NOS1: variants seen among roughly 807,000 people sequenced by gnomAD.
The protein encoded by NOS1 is NOS type I.
A neutral mutation model predicts 164.5 loss-of-function variants in NOS1; 51 were observed. That is an observed-to-expected ratio of 0.31 (90% CI 0.25 to 0.39). The LOEUF is 0.39. Ranked by LOEUF, NOS1 falls within the 10% of genes least tolerant of loss-of-function variation. The pLI, the probability that NOS1 is intolerant of heterozygous loss-of-function variation, is 1.00. For missense variants in NOS1, 1,362 were observed against 1,885.6 expected (o/e 0.72, Z 5.14); for synonymous variants, 719 against 745.8 (o/e 0.96, Z 0.59).
chr12:117,271,029 C>T (rs1052425377), intron 10 of NOS1, among the ~76,000 whole-genome samples: 5 of 151,930 alleles, frequency 3.3e-5, no homozygotes, highest in Admixed American at 6.6e-5. Flanking sequence ...GGTGACAGAG[C>T]GAGACTCCAT....
chr12:117,234,535 A>G lies in NOS1; in HGVS notation c.3235+30T>C. On this transcript the variant is annotated intron_variant, in intron 21 of 28. Transcript: ENST00000317775. This position sits in a 1 kb window ranked among gnomAD's most constrained non-coding sequence, Gnocchi z 4.3. Reference sequence around the variant, plus strand: ...ACACCCACTGCCTCTGCAGCTCCCTAGAGCAGGGAAGGGTCCCCGGGAATG... The same window carrying G: ...ACACCCACTGCCTCTGCAGCTCCCTGGAGCAGGGAAGGGTCCCCGGGAATG... 6.3e-7 allele frequency: 1 copy of G among 1,595,012 alleles called. No homozygotes were observed. Among genetic ancestry groups the G allele is most frequent in the South Asian group, 1.1e-5 (1 of 89,480 alleles).
intron 2 of NOS1, among the ~76,000 whole-genome samples, chr12:117,322,791 TTCCTTCCC>T (rs1291681546): frequency 1.5e-5 from 2 of 130,540 alleles, no homozygotes; most frequent in Non-Finnish European, 3.3e-5. Flanking sequence ...CCTTTCTTCC[TTCCTTCCC>T]TCCTTCCCTC....
At position 117,213,649 on chromosome 12, in the gene NOS1, A is replaced by T. The variant is rs1298354044; in HGVS notation, c.*1660T>A. On this transcript the variant is annotated 3_prime_UTR_variant, in exon 29 of 29. Transcript: ENST00000317775. Reference sequence around the variant, plus strand: ...CACTTCCTCTTTAGCAGACACCCAAACTGAACAACAAGATATGCCCACGTA... The same window carrying T: ...CACTTCCTCTTTAGCAGACACCCAATCTGAACAACAAGATATGCCCACGTA... 1.0e-6 allele frequency: 1 copy of T among 985,310 alleles called. No individual in the cohort carries two copies. The allele number at this position is 985,310 out of a possible 1,614,324, so 61.0% of individuals were successfully genotyped here.
chr12:117,284,365 G>A (rs988057994), intron 7 of NOS1, among the ~76,000 whole-genome samples: 3 of 152,138 alleles, frequency 2.0e-5, no homozygotes, highest in South Asian at 2.1e-4. Context: ...ACTTGCCAGC[G>A]TGGCCGCCAC....
At chr12:117,301,608 C>G (rs1034432808) in intron 3 of NOS1, among the ~76,000 whole-genome samples, 4 of 152,160 alleles carry the variant, frequency 2.6e-5, no homozygotes, top group African/African-American at 7.2e-5. Context: ...TAGAGCTGGG[C>G]TTGGAATCCA....
intron 26 of NOS1, 104 bp downstream of exon 26, chr12:117,222,611 A>G (rs1956725676): frequency 4.6e-6 from 5 of 1,093,126 alleles, no homozygotes; most frequent in Non-Finnish European, 6.7e-6. Context: ...TCATAGAGGG[A>G]AAATCAGGAA....
intron 20 of NOS1, 79 bp downstream of exon 20, chr12:117,242,548 A>C: frequency 8.8e-7 from 1 of 1,134,810 alleles, no homozygotes; most frequent in South Asian, 1.2e-5. Flanking sequence ...CAGTCCTTGG[A>C]GTCCACAGGG....
At chr12:117,235,072 C>G (rs1869591509) in intron 20 of NOS1, among the ~76,000 whole-genome samples, 1 of 152,026 alleles carries the variant, frequency 6.6e-6, no homozygotes, top group Non-Finnish European at 1.5e-5. Flanking sequence ...CAGGCACCGT[C>G]ATGCCTGGGT....
chr12:117,273,295 G>A (rs1348121963), intron 9 of NOS1, among the ~76,000 whole-genome samples: 1 of 152,134 alleles, frequency 6.6e-6, no homozygotes, highest in African/African-American at 2.4e-5. Context: ...GGCATGCATG[G>A]GGAACTGTGT....
At chr12:117,339,279 A>G (rs7958407) in intron 1 of NOS1, among the ~76,000 whole-genome samples, 8,167 of 152,250 alleles carry the variant, frequency 0.054, 606 homozygotes, top group African/African-American at 0.17. Context: ...CAGTTTGCCT[A>G]TGATGATGTC....
intron 28 of NOS1, among the ~76,000 whole-genome samples, chr12:117,217,131 C>T (rs1956624258): frequency 6.6e-6 from 1 of 152,078 alleles, no homozygotes; most frequent in Non-Finnish European, 1.5e-5. Flanking sequence ...AGCCTGTTTC[C>T]AGCAATTTCT....
intron 1 of NOS1, among the ~76,000 whole-genome samples, chr12:117,358,326 A>ACC (rs1289575754): frequency 8.4e-5 from 12 of 142,834 alleles, no homozygotes; most frequent in Admixed American, 5.1e-4. Flanking sequence ...CCATCACAAT[A>ACC]CCCCCGCCCT....
chr12:117,223,507 G>A (rs917794688), intron 25 of NOS1, among the ~76,000 whole-genome samples: 8 of 151,782 alleles, frequency 5.3e-5, no homozygotes, highest in South Asian at 2.1e-4. Context: ...TGATCTGCCC[G>A]CCTTGGCCTC....
chr12:117,278,432 C>T (rs1262885443), intron 8 of NOS1, among the ~76,000 whole-genome samples: 1 of 152,172 alleles, frequency 6.6e-6, no homozygotes, highest in Non-Finnish European at 1.5e-5. Context: ...CTTTGTTTTC[C>T]AGGTCTTCCC....
At chr12:117,252,132 A>G (rs1235483943) in intron 17 of NOS1, among the ~76,000 whole-genome samples, 1 of 152,234 alleles carries the variant, frequency 6.6e-6, no homozygotes. Context: ...TTACAAAACA[A>G]GAAAGAAAAC....
intron 5 of NOS1, among the ~76,000 whole-genome samples, chr12:117,286,923 T>C (rs907632315): frequency 5.9e-5 from 9 of 152,160 alleles, no homozygotes; most frequent in South Asian, 2.1e-4. Context: ...AGCATTCATA[T>C]AGGCATACAG....
intron 16 of NOS1, among the ~76,000 whole-genome samples, chr12:117,256,395 C>G (rs780331955): frequency 2.7e-5 from 4 of 150,268 alleles, no homozygotes; most frequent in African/African-American, 4.9e-5. Context: ...TCTCCTGCCT[C>G]AGCCTCCTGA....
intron 26 of NOS1, among the ~76,000 whole-genome samples, chr12:117,221,128 A>ATTTT (rs1229855098): frequency 3.1e-5 from 4 of 130,490 alleles, no homozygotes; most frequent in Admixed American, 1.7e-4. Flanking sequence ...TGTTAAATTT[A>ATTTT]TTTTTATTTA....
chr12:117,270,074 A>G (rs186724835), intron 10 of NOS1, among the ~76,000 whole-genome samples: 16 of 152,312 alleles, frequency 1.1e-4, no homozygotes, highest in Middle Eastern at 3.4e-3. Flanking sequence ...TGGCAAAATT[A>G]CTTGCAAAAA....
Sources: gnomAD v4.1 joint callset for allele counts (sites outside exome capture counted in the v4.1 genomes callset) on GRCh38, gnomAD v4.1.1 for gene constraint, Gnocchi (gnomAD v3.1) non-coding constraint, MANE v1.5 for transcripts, NCBI Gene and HGNC (gene_info 2026-07-23, HGNC 2026-07-21) for gene names.